The following DOCK8 variants were observed in gnomAD, a reference collection of about 807,000 sequenced individuals.
The protein encoded by DOCK8 is dedicator of cytokinesis 8, also known as dedicator of cytokinesis protein 8.
Under a neutral mutation model 245.6 loss-of-function variants are expected in DOCK8, and 141 were observed. The observed-to-expected ratio is 0.57, with a 90% CI of 0.50 to 0.66. The LOEUF (loss-of-function observed/expected upper bound fraction) is 0.66. Among genes scored for constraint, DOCK8 ranks in the 30% least tolerant of loss-of-function variants. The pLI, the probability that DOCK8 is intolerant of heterozygous loss-of-function variation, is 0.00. For synonymous variants in DOCK8, 1,168 were observed against 970.2 expected (o/e 1.20, Z -3.79); for missense variants, 2,965 against 2,603.4 (o/e 1.14, Z -3.02).
intron 4 of DOCK8, among the ~76,000 whole-genome samples, chr9:292,344 G>A (rs563358316): frequency 5.8e-4 from 64 of 111,192 alleles, no homozygotes; most frequent in African/African-American, 2.1e-3. Flanking sequence ...CCAAGATCGC[G>A]CCATTGCACT....
At position 259,220 on chromosome 9, in the gene DOCK8, G is replaced by T. The variant is rs140536447; in HGVS notation, c.54-12407G>T. Among the ~76,000 whole-genome samples, 33 of 152,168 alleles carry T rather than the reference G, an allele frequency of 2.2e-4. 1 individual carries two copies. Among genetic ancestry groups the T allele is most frequent in the African/African-American group, 7.7e-4 (32 of 41,538 alleles). On this transcript the variant is annotated intron_variant, in intron 1 of 47. Transcript: ENST00000432829. The stretch of plus-strand genomic sequence containing the variant: ...CAGGGGACTGAGGTAGGAGGATCTC[G>T]TAAGTCCTGGAGTTTGAGGCTGCAG...
intron 46 of DOCK8, among the ~76,000 whole-genome samples, chr9:453,394 A>G (rs1050917274): frequency 2.6e-5 from 4 of 152,186 alleles, no homozygotes; most frequent in African/African-American, 9.6e-5. Context: ...CGTATCTTTT[A>G]AAAGGCTAGA....
intron 23 of DOCK8, among the ~76,000 whole-genome samples, chr9:390,127 T>G (rs906558214): frequency 6.6e-6 from 1 of 152,140 alleles, no homozygotes; most frequent in Non-Finnish European, 1.5e-5. Flanking sequence ...ACAGAGAGTT[T>G]TCAGCAGGAC....
intron 36 of DOCK8, among the ~76,000 whole-genome samples, chr9:431,427 C>T (rs538148101): frequency 3.3e-5 from 5 of 152,196 alleles, no homozygotes; most frequent in African/African-American, 9.6e-5. Flanking sequence ...CATGTTTTTC[C>T]ATGGGCCTGT....
chr9:376,951 A>G (rs750879694), intron 19 of DOCK8, 26 bp from the exon 20 acceptor site: 9 of 1,603,498 alleles, frequency 5.6e-6, no homozygotes, highest in South Asian at 1.1e-5. Context: ...ATAAAACCCC[A>G]TGAGGCCTGC....
intron 2 of DOCK8, among the ~76,000 whole-genome samples, chr9:278,874 G>A (rs1489188372): frequency 6.6e-6 from 1 of 152,230 alleles, no homozygotes; most frequent in African/African-American, 2.4e-5. Flanking sequence ...TCTAAGACAG[G>A]AAGCTGCTGT....
intron 26 of DOCK8, among the ~76,000 whole-genome samples, chr9:400,893 C>T (rs1192305967): frequency 1.1e-3 from 96 of 86,962 alleles, no homozygotes; most frequent in Non-Finnish European, 1.2e-3. Flanking sequence ...ACCACCACCA[C>T]CTCCCCCACT....
chr9:425,763 A>G (rs1018863451), intron 33 of DOCK8, among the ~76,000 whole-genome samples: 1 of 147,424 alleles, frequency 6.8e-6, no homozygotes, highest in African/African-American at 2.6e-5. Flanking sequence ...TCTCTAAGGA[A>G]AAAAAAAAAA....
intron 39 of DOCK8, among the ~76,000 whole-genome samples, chr9:438,480 T>C (rs2056977530): frequency 6.6e-6 from 1 of 152,232 alleles, no homozygotes; most frequent in Admixed American, 6.5e-5. Context: ...ATTCTTGACC[T>C]GTCACATATT....
chr9:436,133 G>A (rs2056893350), intron 39 of DOCK8, among the ~76,000 whole-genome samples: 1 of 152,170 alleles, frequency 6.6e-6, no homozygotes, highest in African/African-American at 2.4e-5. Context: ...AGAGCTTCTG[G>A]TTTTCCAGAA....
chr9:449,241 T>G lies in DOCK8; in HGVS notation c.5818-543T>G, dbSNP rs13285312. Among the ~76,000 whole-genome samples the G allele has an allele frequency of 8.0e-3, 1,212 of 152,202 alleles. 8 individuals are homozygous for G. Among genetic ancestry groups the G allele is most frequent in the Middle Eastern group, 0.014 (4 of 294 alleles). ...GGTGCATGCCTGTAATCCCAGCTACTTGGGAGGCTGAGGCAGGAGAATTGC... is the reference window on the plus strand; with the variant it reads ...GGTGCATGCCTGTAATCCCAGCTACGTGGGAGGCTGAGGCAGGAGAATTGC... On this transcript the variant is annotated intron_variant, in intron 44 of 47. Transcript: ENST00000432829.
chr9:238,642 C>T (rs1171898539), intron 1 of DOCK8, among the ~76,000 whole-genome samples: 5 of 152,042 alleles, frequency 3.3e-5, no homozygotes, highest in Non-Finnish European at 5.9e-5. Flanking sequence ...AAAGGAAAAC[C>T]AATTTTGCCA....
rs769584988 is a variant in DOCK8 at position 317,142 on chromosome 9, AAC to A, written c.827+19_827+20del. On this transcript the variant is annotated intron_variant, in intron 7 of 47. Coordinates refer to ENST00000432829, the MANE Select transcript of DOCK8 (RefSeq NM_203447.4). ...GCTGACCTTGAAGTAAGTATCAACAAACACACTGCCACCGCTTTGAGATTTAT... is the reference window on the plus strand; with the variant it reads ...GCTGACCTTGAAGTAAGTATCAACAAACACTGCCACCGCTTTGAGATTTAT... 8.9e-6 allele frequency: 14 copies of A among 1,578,014 alleles called. No homozygotes were observed. In the African/African-American group the frequency reaches 1.6e-4, roughly 18 times the overall value.
intron 19 of DOCK8, 114 bp downstream of exon 19, chr9:376,419 C>A: frequency 1.2e-6 from 1 of 834,770 alleles, no homozygotes. Context: ...AAAAAATAAC[C>A]CTTTAGTTCT....
intron 2 of DOCK8, among the ~76,000 whole-genome samples, chr9:282,413 G>GTTTTTTTTTT (rs58014606): frequency 1.5e-5 from 2 of 131,766 alleles, no homozygotes; most frequent in African/African-American, 2.8e-5. Flanking sequence ...GTTTCGTTTT[G>GTTTTTTTTTT]TTTTTTTTTT....
intron 28 of DOCK8, 121 bp from the exon 29 acceptor site, chr9:414,661 T>C (rs2055902169): frequency 8.3e-7 from 1 of 1,206,254 alleles, no homozygotes; most frequent in Admixed American, 1.7e-5. Context: ...CTATCCTATA[T>C]TGCTTGGTTT....
intron 11 of DOCK8, among the ~76,000 whole-genome samples, chr9:334,980 G>T (rs1193237075): frequency 6.6e-6 from 1 of 152,102 alleles, no homozygotes. Context: ...CTACTCGGGA[G>T]GCAGAGGCAG....
rs2051509460 is a variant in DOCK8 at position 340,161 on chromosome 9, T to A, written c.1519T>A (p.Leu507Met). The A allele has an allele frequency of 6.2e-7, 1 of 1,614,140 alleles. No individual in the cohort carries two copies. The highest frequency in any genetic ancestry group is 8.5e-7 in the Non-Finnish European group (1 of 1,179,966). Residue 507 changes from leucine (L) to methionine (M), a missense_variant and splice_region_variant, in exon 14 of 48, where the codon TTG becomes ATG. Physicochemically the swap from Leu to Met is conservative, Grantham distance 15. Transcript: ENST00000432829. ...ACATTCCTATTTTCTCTCTTTAGGC[T>A]TGCTAAGACTGGAGATTTCTACAGC... Reference protein sequence around the residue: ...LQRRVKSIPGLLRLEISTAPE... With the variant: ...LQRRVKSIPGMLRLEISTAPE...
At chr9:231,595 T>A (rs2047119545) in intron 1 of DOCK8, among the ~76,000 whole-genome samples, 1 of 151,374 alleles carries the variant, frequency 6.6e-6, no homozygotes, top group Non-Finnish European at 1.5e-5. Context: ...GGTTTGTAGT[T>A]CTTGAAGAGG....
Sources: allele counts gnomAD v4.1 joint callset (sites outside exome capture counted in the v4.1 genomes callset), GRCh38; gene constraint gnomAD v4.1.1; transcripts MANE v1.5; gene names NCBI Gene and HGNC (gene_info 2026-07-23, HGNC 2026-07-21).